Variants in PDE4C observed in about 807,000 individuals in gnomAD.
PDE4C encodes the protein phosphodiesterase 4C.
A neutral mutation model predicts 63.9 loss-of-function variants in PDE4C; 50 were observed. That is an observed-to-expected ratio of 0.78 (90% confidence interval 0.62 to 0.99). PDE4C has a LOEUF of 0.99. Among genes scored for constraint, PDE4C ranks in the 50% least tolerant of loss-of-function variants. The pLI, the probability that PDE4C is intolerant of heterozygous loss-of-function variation, is 0.00. For synonymous variants in PDE4C, 377 were observed against 385.1 expected (o/e 0.98, Z 0.25); for missense variants, 777 against 899.1 (o/e 0.86, Z 1.74).
intron 11 of PDE4C, 26 bp from the exon 12 acceptor site, chr19:18,216,921 C>T: frequency 1.3e-6 from 2 of 1,571,168 alleles, no homozygotes; most frequent in Non-Finnish European, 1.7e-6. Context: ...ACTGAGAGCC[C>T]CAAGATCCAC....
chr19:18,242,340 G>T (rs1568268641), intron 1 of PDE4C, among the ~76,000 whole-genome samples: 2 of 151,818 alleles, frequency 1.3e-5, no homozygotes, highest in African/African-American at 4.8e-5. Context: ...CCTGGGTGTG[G>T]TGTTGTGTGC....
chr19:18,230,355 T>C (rs1299711443), upstream of PDE4C, among the ~76,000 whole-genome samples: 2 of 152,088 alleles, frequency 1.3e-5, no homozygotes, highest in African/African-American at 4.8e-5. Flanking sequence ...AATACAAATA[T>C]TAGCCAGGCA....
intron 11 of PDE4C, among the ~76,000 whole-genome samples, 173 bp downstream of exon 11, chr19:18,217,976 A>G (rs1968275590): frequency 6.6e-6 from 1 of 152,096 alleles, no homozygotes; most frequent in Non-Finnish European, 1.5e-5. Context: ...GTTGGCACCT[A>G]CTGTGTACCC....
chr19:18,237,688 T>A (rs1216573782), upstream of PDE4C, among the ~76,000 whole-genome samples: 1 of 151,636 alleles, frequency 6.6e-6, no homozygotes, highest in African/African-American at 2.4e-5. Flanking sequence ...CTGGCTAACA[T>A]GGTGAGACCC....
In PDE4C at chr19:18,220,543, C is replaced by A; in HGVS notation, c.500-28G>T. ...GGGAGCCGAGGCAGTCAGGGGCCTG[C>A]CCAACCCCCCCGCTCAGGGACCCCA... On this transcript the variant is annotated intron_variant, in intron 5 of 14. Transcript: ENST00000262805. This position sits in a 1 kb window ranked among gnomAD's most constrained non-coding sequence, Gnocchi z 5.1. 1.3e-6 allele frequency: 2 copies of A among 1,533,974 alleles called. No individual in the cohort carries two copies. Among genetic ancestry groups the A allele is most frequent in the Non-Finnish European group, 1.8e-6 (2 of 1,129,580 alleles).
At chr19:18,248,124 T>C (rs762106123) in intron 1 of PDE4C, 2 of 455,324 alleles carry the variant, frequency 4.4e-6, no homozygotes, top group South Asian at 3.1e-5. Context: ...GCCCCCAAGC[T>C]CAAGAATAAG....
At chr19:18,218,233 A>C (rs987634259) in exon 11 of PDE4C, 3 of 1,614,114 alleles carry the variant, frequency 1.9e-6, no homozygotes, top group Non-Finnish European at 2.5e-6. Flanking sequence ...AGGATTTCCA[A>C]GTCTGTGAAC....
chr19:18,248,868 C>CA (rs67023024), upstream of PDE4C, among the ~76,000 whole-genome samples: 1 of 151,380 alleles, frequency 6.6e-6, no homozygotes, highest in Non-Finnish European at 1.5e-5. Context: ...ACTAAAAATA[C>CA]AAAAAAATTA....
Position 18,220,117 on chromosome 19 carries a change from G to A in PDE4C, c.706+109C>T. On this transcript the variant is annotated intron_variant, in intron 7 of 14. Transcript: ENST00000262805. The surrounding 1 kb of genome is among the most constrained non-coding windows in gnomAD (Gnocchi z 5.1). ...GCCCTGACTCATGGGGGCTGAAGGT[G>A]TCTGTGTCTGGCTGTATCTCCCCCA... The A allele has an allele frequency of 1.2e-6, 1 of 862,068 alleles. No homozygotes were observed. Among genetic ancestry groups the A allele is most frequent in the Non-Finnish European group, 1.9e-6 (1 of 514,378 alleles). The allele number at this position is 862,068 out of a possible 1,614,324, so 53.4% of individuals were successfully genotyped here.
intron 9 of PDE4C, among the ~76,000 whole-genome samples, 181 bp from the exon 10 acceptor site, chr19:18,218,679 G>A (rs1968322682): frequency 6.6e-6 from 1 of 152,234 alleles, no homozygotes; most frequent in Non-Finnish European, 1.5e-5. Context: ...GACCCTACAG[G>A]ACTGGGGGTG....
Position 18,243,137 on chromosome 19 carries a change from C to T in PDE4C, c.-210+5034G>A, listed in dbSNP as rs138654634. Among the ~76,000 whole-genome samples, 633 of 151,982 alleles carry T rather than the reference C, an allele frequency of 4.2e-3. 7 individuals carry two copies. Among genetic ancestry groups the T allele is most frequent in the African/African-American group, 0.015 (603 of 41,460 alleles). On this transcript the variant is annotated intron_variant, in intron 1 of 15. Coordinates refer to the PDE4C transcript ENST00000594617. ...TTTTTTTTCTTTCGAGACAGAGTTT[C>T]GCTCTTGTTGCCCAGGCTGTAGTGT...
intron 1 of PDE4C, among the ~76,000 whole-genome samples, chr19:18,239,216 T>C (rs1055293641): frequency 2.6e-5 from 4 of 152,132 alleles, no homozygotes; most frequent in Non-Finnish European, 5.9e-5. Flanking sequence ...GAGCCCAAGG[T>C]TGCAATTCAT....
chr19:18,250,773 ATTTT>A (rs571142608), upstream of PDE4C, among the ~76,000 whole-genome samples: 2 of 124,614 alleles, frequency 1.6e-5, no homozygotes, highest in Admixed American at 7.9e-5. Flanking sequence ...TGCCTGGACA[ATTTT>A]TTTTTTTTTT....
chr19:18,222,050 T>C (rs2148030399), intron 2 of PDE4C, 82 bp downstream of exon 2: 1 of 1,203,438 alleles, frequency 8.3e-7, no homozygotes, highest in East Asian at 2.4e-5. Flanking sequence ...CTTAAATGGC[T>C]ATTTGAAGGA....
upstream of PDE4C, chr19:18,226,502 G>A: frequency 1.8e-6 from 2 of 1,131,520 alleles, no homozygotes; most frequent in Non-Finnish European, 2.3e-6. Context: ...AGCGGGGAGG[G>A]GGCAAAGGGC....
At chr19:18,232,377 G>A (rs1233591430) in intron 1 of PDE4C, among the ~76,000 whole-genome samples, 1 of 10,630 alleles carries the variant, frequency 9.4e-5, no homozygotes, top group South Asian at 8.9e-3. Context: ...ATAAAAACGT[G>A]TGTGTGTGTG....
intron 1 of PDE4C, among the ~76,000 whole-genome samples, chr19:18,225,298 C>G (rs1434657248): frequency 1.3e-5 from 2 of 152,130 alleles, no homozygotes; most frequent in Non-Finnish European, 2.9e-5. Flanking sequence ...TCTGAGTACC[C>G]GCGACGCGCC....
At chr19:18,210,659 G>C (rs1057267791) in exon 15 of PDE4C, 1 of 365,162 alleles carries the variant, frequency 2.7e-6, no homozygotes, top group Non-Finnish European at 4.9e-6. Flanking sequence ...TCTCCTCACA[G>C]GGATAGAAGC....
At position 18,233,248 on chromosome 19, in the gene PDE4C, C is replaced by G. The variant is rs917174909; in HGVS notation, c.-57G>C. The G allele has an allele frequency of 2.3e-5, 35 of 1,540,520 alleles. No individual in the cohort carries two copies. In the African/African-American group the frequency reaches 4.4e-4, roughly 19 times the overall value. ...AGCAGGACTCGTCCCCGTGAGCGGG[C>G]GCCGAGGAGCGTCTGCTCCCGGGTC... On this transcript the variant is annotated 5_prime_UTR_variant, in exon 1 of 15. Coordinates refer to the PDE4C transcript ENST00000594465.
Sources: allele counts gnomAD v4.1 joint callset (sites outside exome capture counted in the v4.1 genomes callset), GRCh38; gene constraint gnomAD v4.1.1; non-coding constraint Gnocchi (gnomAD v3.1); transcripts MANE v1.5; gene names NCBI Gene and HGNC (gene_info 2026-07-23, HGNC 2026-07-21).